NBEA: variants seen among roughly 807,000 people sequenced by gnomAD.
NBEA encodes the protein neurobeachin, also known as lysosomal-trafficking regulator 2.
A neutral mutation model predicts 343.4 loss-of-function variants in NBEA; 44 were observed. The observed-to-expected ratio is 0.13, with a 90% confidence interval of 0.10 to 0.16. The LOEUF (loss-of-function observed/expected upper bound fraction) is 0.16, where lower values mean the gene tolerates loss of function less well. Among genes scored for constraint, NBEA ranks in the 10% least tolerant of loss-of-function variants. The pLI, the probability that NBEA is intolerant of heterozygous loss-of-function variation, is 1.00. For synonymous variants in NBEA, 1,175 were observed against 1,238.7 expected, an observed-to-expected ratio of 0.95 and a Z score of 1.08; for missense variants, 2,555 against 3,631.3, an observed-to-expected ratio of 0.70 and a Z score of 7.62.
intron 34 of NBEA, among the ~76,000 whole-genome samples, chr13:35,270,414 C>T (rs893862293): frequency 7.2e-5 from 11 of 152,288 alleles, no homozygotes; most frequent in South Asian, 2.1e-4. Context: ...GCAAGATTTA[C>T]GCAGAAGATG....
At position 35,316,156 on chromosome 13, in the gene NBEA, C is replaced by T. The variant is rs572084913; in HGVS notation, c.5903+6564C>T. Among the ~76,000 whole-genome samples the T allele has an allele frequency of 1.2e-4, 18 of 152,068 alleles. No individual in the cohort carries two copies. In the South Asian group the frequency reaches 3.7e-3, roughly 32 times the overall value. On this transcript the variant is annotated intron_variant, in intron 36 of 58. Transcript: ENST00000379939. The stretch of plus-strand genomic sequence containing the variant: ...TTAAGTTCTAGATACATGGGCAGAA[C>T]ATGCAGGTTTGTTACATAGGTATAC...
intron 41 of NBEA, among the ~76,000 whole-genome samples, chr13:35,513,619 TA>T (rs1320419010): frequency 6.6e-6 from 1 of 152,130 alleles, no homozygotes; most frequent in African/African-American, 2.4e-5. Context: ...ATTTGAATTA[TA>T]ATTTATATAT....
intron 52 of NBEA, among the ~76,000 whole-genome samples, chr13:35,650,081 T>A (rs2084443325): frequency 6.6e-6 from 1 of 152,186 alleles, no homozygotes; most frequent in South Asian, 2.1e-4. Flanking sequence ...AGTAACTATT[T>A]GACAAATTGA....
chr13:35,074,566 G>A (rs1171306428), intron 10 of NBEA, among the ~76,000 whole-genome samples: 2 of 152,062 alleles, frequency 1.3e-5, no homozygotes, highest in Non-Finnish European at 2.9e-5. Context: ...ACAAATTTGG[G>A]CTCAAATCCC....
chr13:35,081,742 T>A (rs1377932520), intron 10 of NBEA, among the ~76,000 whole-genome samples: 1 of 152,130 alleles, frequency 6.6e-6, no homozygotes, highest in Non-Finnish European at 1.5e-5. Flanking sequence ...AAAAAGTGAA[T>A]CTTGTTTTTA....
intron 37 of NBEA, among the ~76,000 whole-genome samples, chr13:35,350,728 A>ATGTGTGTGTGTGTGTG (rs34088295): frequency 2.9e-5 from 4 of 137,846 alleles, no homozygotes; most frequent in African/African-American, 1.0e-4. Flanking sequence ...AGAGCTATTG[A>ATGTGTGTGTGTGTGTG]TGTGTGTGTG....
chr13:35,329,435 A>G (rs2038788486), intron 36 of NBEA, among the ~76,000 whole-genome samples: 1 of 151,986 alleles, frequency 6.6e-6, no homozygotes, highest in Non-Finnish European at 1.5e-5. Flanking sequence ...GACTGAAAGT[A>G]CCCCAAATGT....
At chr13:35,190,518 A>G (rs1406589611) in intron 30 of NBEA, among the ~76,000 whole-genome samples, 1 of 152,162 alleles carries the variant, frequency 6.6e-6, no homozygotes, top group Non-Finnish European at 1.5e-5. Flanking sequence ...GGTTCAAGAC[A>G]TTTAAGACAA....
chr13:35,138,911 G>A (rs1038858773), intron 17 of NBEA, among the ~76,000 whole-genome samples: 1 of 151,656 alleles, frequency 6.6e-6, no homozygotes, highest in South Asian at 2.1e-4. Flanking sequence ...TGTCATATAT[G>A]GATTTATATG....
chr13:35,227,622 ACTAC>A (rs1424176535), intron 33 of NBEA, among the ~76,000 whole-genome samples: 1 of 152,050 alleles, frequency 6.6e-6, no homozygotes, highest in Non-Finnish European at 1.5e-5. Context: ...CTTATTATAA[ACTAC>A]CTATTTTATA....
At chr13:35,354,063 G>T (rs554765630) in intron 38 of NBEA, among the ~76,000 whole-genome samples, 2 of 152,102 alleles carry the variant, frequency 1.3e-5, no homozygotes, top group South Asian at 4.2e-4. Context: ...ATTCTTGAGG[G>T]TAATATCCTT....
At chr13:35,539,692 G>A (rs7986102) in intron 41 of NBEA, among the ~76,000 whole-genome samples, 5,808 of 151,264 alleles carry the variant, frequency 0.038, 401 homozygotes, top group African/African-American at 0.13. Context: ...TGAGGCGGGC[G>A]GATCACGAGG....
At chr13:35,656,877 G>A (rs560409308) in intron 55 of NBEA, among the ~76,000 whole-genome samples, 187 of 152,298 alleles carry the variant, frequency 1.2e-3, no homozygotes, top group African/African-American at 4.1e-3. Context: ...GGAAACCTGT[G>A]CATCTACAAC....
chr13:35,062,012 A>G (rs1273580625), intron 8 of NBEA, among the ~76,000 whole-genome samples: 1 of 151,648 alleles, frequency 6.6e-6, no homozygotes, highest in Non-Finnish European at 1.5e-5. Context: ...ATCCCAAAGT[A>G]TTTTTTCTAA....
At chr13:35,617,704 T>C (rs1376555933) in intron 48 of NBEA, among the ~76,000 whole-genome samples, 2 of 152,194 alleles carry the variant, frequency 1.3e-5, no homozygotes, top group Non-Finnish European at 2.9e-5. Context: ...TTTTCCTTCA[T>C]AGCACCTTTT....
chr13:35,252,289 C>G (rs1566521948), intron 34 of NBEA, among the ~76,000 whole-genome samples: 1 of 152,102 alleles, frequency 6.6e-6, no homozygotes, highest in Non-Finnish European at 1.5e-5. Flanking sequence ...AGTCACTGTC[C>G]CGTGAACAGC....
At chr13:35,669,966 G>A (rs1411637675) in intron 58 of NBEA, among the ~76,000 whole-genome samples, 2 of 152,020 alleles carry the variant, frequency 1.3e-5, no homozygotes, top group African/African-American at 4.8e-5. Flanking sequence ...CAAAGTTGCA[G>A]TAGTATTAGG....
At chr13:35,591,184 G>A (rs9574204) in intron 46 of NBEA, among the ~76,000 whole-genome samples, 7,846 of 152,078 alleles carry the variant, frequency 0.052, 386 homozygotes, top group East Asian at 0.24. Flanking sequence ...GGAGACAGTT[G>A]CTTGACACAG....
At chr13:34,968,961 G>T (rs2059914237) in intron 1 of NBEA, among the ~76,000 whole-genome samples, 1 of 151,956 alleles carries the variant, frequency 6.6e-6, no homozygotes, top group Non-Finnish European at 1.5e-5. Flanking sequence ...AGTCCTCTTT[G>T]TGCCTCTTAC....
Sources: allele counts gnomAD v4.1 joint callset (sites outside exome capture counted in the v4.1 genomes callset), GRCh38; gene constraint gnomAD v4.1.1; transcripts MANE v1.5; gene names NCBI Gene and HGNC (gene_info 2026-07-23, HGNC 2026-07-21).